MYO9A: variants seen among roughly 807,000 people sequenced by gnomAD.
The protein encoded by MYO9A is myosin IXA, also known as unconventional myosin-IXa.
A neutral mutation model predicts 293.3 loss-of-function variants in MYO9A; 103 were observed. The observed-to-expected ratio is 0.35, with a 90% CI of 0.30 to 0.41. The LOEUF (loss-of-function observed/expected upper bound fraction) is 0.41, where lower values mean the gene tolerates loss of function less well. Ranked by LOEUF, MYO9A falls within the 10% of genes least tolerant of loss-of-function variation. The pLI is 1.00. For synonymous variants in MYO9A, 1,001 were observed against 1,035.7 expected, an observed-to-expected ratio of 0.97 and a Z score of 0.64; for missense variants, 2,685 against 3,033.0, an observed-to-expected ratio of 0.89 and a Z score of 2.69.
chr15:72,014,747 A>C (rs2077276438), intron 6 of MYO9A, among the ~76,000 whole-genome samples: 1 of 151,002 alleles, frequency 6.6e-6, no homozygotes, highest in Non-Finnish European at 1.5e-5. Flanking sequence ...GAGAGAAAGA[A>C]AGGAAAGAAA....
intron 14 of MYO9A, among the ~76,000 whole-genome samples, chr15:71,956,702 C>T (rs1328870106): frequency 6.7e-6 from 1 of 150,250 alleles, no homozygotes; most frequent in African/African-American, 2.4e-5. Flanking sequence ...ATACACGTAG[C>T]ATATGTGTGT....
intron 14 of MYO9A, chr15:71,959,672 C>T (rs1211085491): frequency 1.4e-5 from 7 of 500,416 alleles, no homozygotes; most frequent in African/African-American, 3.8e-5. Flanking sequence ...TGAACAGATG[C>T]TCTGACTTTA....
At chr15:72,113,886 T>C (rs2080871628) in intron 1 of MYO9A, among the ~76,000 whole-genome samples, 1 of 152,174 alleles carries the variant, frequency 6.6e-6, no homozygotes, top group Non-Finnish European at 1.5e-5. Context: ...CAACAGGAGC[T>C]AACCTCTTTT....
Position 72,078,858 on chromosome 15 carries a change from A to T in MYO9A, c.-71-32224T>A, listed in dbSNP as rs2079450977. ...AGAGGAATCTTAAATATACATTGCT[A>T]AGTAAATCCAAAAAGCCTATGTACT... On this transcript the variant is annotated intron_variant, in intron 1 of 41. Coordinates refer to ENST00000356056, the MANE Select transcript of MYO9A (RefSeq NM_006901.4). Among the ~76,000 whole-genome samples the T allele has an allele frequency of 2.0e-5, 3 of 152,348 alleles. No homozygotes were observed. In the South Asian group the frequency reaches 6.2e-4, roughly 32 times the overall value.
chr15:71,982,063 A>G (rs1311521864), intron 11 of MYO9A, among the ~76,000 whole-genome samples: 4 of 112,070 alleles, frequency 3.6e-5, no homozygotes, highest in Non-Finnish European at 6.5e-5. Flanking sequence ...TCTGTCGCCC[A>G]GGCTGGAGTG....
At chr15:72,037,121 C>G (rs547500392) in intron 2 of MYO9A, among the ~76,000 whole-genome samples, 1 of 151,954 alleles carries the variant, frequency 6.6e-6, no homozygotes, top group Admixed American at 6.6e-5. Context: ...CTTGACCTTA[C>G]TTGGAAATCA....
intron 1 of MYO9A, chr15:72,117,117 G>A (rs2081012447): frequency 6.6e-6 from 1 of 152,192 alleles, no homozygotes; most frequent in Non-Finnish European, 1.5e-5. Flanking sequence ...TGGGAGAGAA[G>A]CCAAAGTCTG....
At chr15:71,941,303 C>T (rs909043073) in intron 15 of MYO9A, among the ~76,000 whole-genome samples, 1 of 152,080 alleles carries the variant, frequency 6.6e-6, no homozygotes, top group Non-Finnish European at 1.5e-5. Context: ...GGCATGGTGG[C>T]ACACACTTGT....
intron 11 of MYO9A, among the ~76,000 whole-genome samples, chr15:71,979,403 A>C (rs2076218715): frequency 6.6e-6 from 1 of 152,154 alleles, no homozygotes; most frequent in South Asian, 2.1e-4. Flanking sequence ...CATTACTAGA[A>C]GTCCAAAAGT....
At position 71,982,857 on chromosome 15, in the gene MYO9A, C is replaced by T. The variant is rs111404377; in HGVS notation, c.1723-4565G>A. ...CTATCAGGTGCTTATAAATTTTGGA[C>T]TGTATACTACTTCCCAAGGAAGTGA... On this transcript the variant is annotated intron_variant, in intron 11 of 41. Coordinates refer to ENST00000356056, the MANE Select transcript of MYO9A (RefSeq NM_006901.4). Among the ~76,000 whole-genome samples the T allele has an allele frequency of 7.8e-3, 1,182 of 152,246 alleles. 21 individuals carry two copies. Among genetic ancestry groups the T allele is most frequent in the African/African-American group, 0.027 (1,128 of 41,534 alleles).
chr15:72,101,250 T>G (rs1274659377), intron 1 of MYO9A, among the ~76,000 whole-genome samples: 5 of 93,490 alleles, frequency 5.3e-5, no homozygotes, highest in South Asian at 3.9e-4. Context: ...GGTGGGGGGG[T>G]CAGCCCCCCG....
At chr15:72,109,216 C>T (rs1006649452) in intron 1 of MYO9A, among the ~76,000 whole-genome samples, 2 of 151,634 alleles carry the variant, frequency 1.3e-5, no homozygotes, top group Non-Finnish European at 2.9e-5. Flanking sequence ...CCGTGAAACG[C>T]CACCTCTACT....
At chr15:71,843,067 CTATT>C (rs2055232800) in intron 39 of MYO9A, among the ~76,000 whole-genome samples, 1 of 152,002 alleles carries the variant, frequency 6.6e-6, no homozygotes, top group East Asian at 1.9e-4. Flanking sequence ...CTCTGTGAAA[CTATT>C]TATGTCTGAT....
intron 14 of MYO9A, among the ~76,000 whole-genome samples, chr15:71,953,923 G>A (rs191476029): frequency 6.7e-6 from 1 of 148,328 alleles, no homozygotes; most frequent in African/African-American, 2.5e-5. Context: ...TTGAGAGGGA[G>A]TCTCACTCTG....
chr15:71,903,824 A>G (rs930817688), intron 21 of MYO9A, 105 bp downstream of exon 21: 1 of 970,676 alleles, frequency 1.0e-6, no homozygotes, highest in African/African-American at 1.6e-5. Context: ...ATGGAAAGGA[A>G]GAATTAAGGA....
chr15:72,008,048 T>G, intron 7 of MYO9A, 96 bp from the exon 8 acceptor site: 1 of 1,412,198 alleles, frequency 7.1e-7, no homozygotes, highest in South Asian at 1.4e-5. Context: ...CCTACAAATA[T>G]GAAGTATTTA....
chr15:72,037,604 C>T (rs749979782), intron 2 of MYO9A, among the ~76,000 whole-genome samples: 2 of 152,114 alleles, frequency 1.3e-5, no homozygotes, highest in East Asian at 1.9e-4. Flanking sequence ...CTAATCATAA[C>T]TAACCACTAT....
chr15:71,966,304 G>GTGTGTA (rs1339550571), intron 13 of MYO9A, among the ~76,000 whole-genome samples: 2 of 150,794 alleles, frequency 1.3e-5, no homozygotes, highest in African/African-American at 4.9e-5. Flanking sequence ...GTGTGTGTGT[G>GTGTGTA]TGTATGATTC....
chr15:72,033,053 G>A (rs922196851), intron 2 of MYO9A, among the ~76,000 whole-genome samples: 1 of 151,976 alleles, frequency 6.6e-6, no homozygotes, highest in Non-Finnish European at 1.5e-5. Flanking sequence ...GTTTCAATGT[G>A]TTGCCCTGGC....
Sources: gnomAD v4.1 joint callset for allele counts (sites outside exome capture counted in the v4.1 genomes callset) on GRCh38, gnomAD v4.1.1 for gene constraint, MANE v1.5 for transcripts, NCBI Gene and HGNC (gene_info 2026-07-23, HGNC 2026-07-21) for gene names.